PLXNB2: variants seen among roughly 807,000 people sequenced by gnomAD.
PLXNB2 encodes the protein plexin-B2.
In PLXNB2, 85 loss-of-function variants were observed where a neutral mutation model predicts 202.6. That is an observed-to-expected ratio of 0.42 (90% CI 0.35 to 0.50). PLXNB2 has a LOEUF of 0.50. Among genes scored for constraint, PLXNB2 ranks in the 20% least tolerant of loss-of-function variants. The pLI, the probability that PLXNB2 is intolerant of heterozygous loss-of-function variation, is 0.02. For missense variants in PLXNB2, 2,063 were observed against 2,586.2 expected (o/e 0.80, Z 4.39); for synonymous variants, 1,239 against 1,137.6 (o/e 1.09, Z -1.79).
intron 27 of PLXNB2, among the ~76,000 whole-genome samples, chr22:50,279,327 C>G (rs968520249): frequency 6.6e-6 from 1 of 152,232 alleles, no homozygotes; most frequent in Non-Finnish European, 1.5e-5. Context: ...TCCTGCCACA[C>G]CCACTGGTCA....
rs781458158 is a variant in PLXNB2 at position 50,282,895 on chromosome 22, G to A, written c.2817-14C>T. 4.4e-6 allele frequency: 7 copies of A among 1,601,338 alleles called. No homozygotes were observed. The highest frequency in any genetic ancestry group is 6.0e-6 in the Non-Finnish European group (7 of 1,172,650). On this transcript the variant is annotated splice_polypyrimidine_tract_variant and intron_variant, in intron 17 of 36. Transcript: ENST00000359337. ...CCAAACTTCGTCCTGGGGGAGGGAG[G>A]GTGCTGGTCTGCATCAACCCCTCCC...
At position 50,284,337 on chromosome 22, in the gene PLXNB2, C is replaced by G. The variant is rs2066259265; in HGVS notation, c.2182-124G>C. On this transcript the variant is annotated intron_variant, in intron 12 of 36. Coordinates refer to ENST00000359337, the MANE Select transcript of PLXNB2 (RefSeq NM_012401.4). This position sits in a 1 kb window ranked among gnomAD's most constrained non-coding sequence, Gnocchi z 8.0. ...CCCAGCCAAGGGCAGCAGGGGAGGCCTTCAGGTGTCGGAAGTTCGGGAACC... is the reference window on the plus strand; with the variant it reads ...CCCAGCCAAGGGCAGCAGGGGAGGCGTTCAGGTGTCGGAAGTTCGGGAACC... 2.1e-6 allele frequency: 2 copies of G among 950,260 alleles called. No homozygotes were observed. Among genetic ancestry groups the G allele is most frequent in the Non-Finnish European group, 3.3e-6 (2 of 600,438 alleles). The allele number at this position is 950,260 out of a possible 1,614,324, so 58.9% of individuals were successfully genotyped here.
chr22:50,293,853 G>A (rs1000959210), intron 2 of PLXNB2, among the ~76,000 whole-genome samples: 8 of 152,220 alleles, frequency 5.3e-5, no homozygotes, highest in East Asian at 1.9e-4. Flanking sequence ...TGTCCCTGCC[G>A]GGGGCTGGCA....
In PLXNB2 at chr22:50,280,885, G is replaced by A. The variant is rs1465147056; in HGVS notation, c.3852C>T (p.Val1284=). ...CGCCGTCCTTGGAGGGCAGGAAGAA[G>A]ACGCGGTCGGTGTAGGTCTTGTAGT... is the stretch of plus-strand genomic sequence containing the variant. The part of the protein sequence containing the change: ...VLDYKTYTDR[V]FFLPSKDGDK... Residue 1284 remains valine, a synonymous_variant, in exon 24 of 37, where the codon GTC becomes GTT. Transcript: ENST00000359337. The A allele has an allele frequency of 6.2e-7, 1 of 1,613,588 alleles. No individual in the cohort carries two copies. The highest frequency in any genetic ancestry group is 1.1e-5 in the South Asian group (1 of 91,090).
intron 2 of PLXNB2, among the ~76,000 whole-genome samples, chr22:50,290,803 A>G (rs910228901): frequency 2.0e-5 from 3 of 152,128 alleles, no homozygotes; most frequent in African/African-American, 7.2e-5. Flanking sequence ...GCCCTCCTCA[A>G]GTCCACCCTG....
chr22:50,293,637 G>A lies in PLXNB2; in HGVS notation c.-14+1082C>T, dbSNP rs527893105. ...TGGGAGGGGAATGCGGGGGCAGCGC[G>A]GGGGCGGGGCCCACGGTCCCCTCGG... On this transcript the variant is annotated intron_variant, in intron 2 of 36. Transcript: ENST00000359337. 3.3e-5 allele frequency among the ~76,000 whole-genome samples: 5 copies of A among 152,338 alleles called. No individual in the cohort carries two copies. The South Asian group carries it at 6.2e-4, about 19-fold the overall frequency.
intron 27 of PLXNB2, among the ~76,000 whole-genome samples, chr22:50,279,298 G>A (rs556564617): frequency 1.3e-5 from 2 of 152,338 alleles, no homozygotes; most frequent in East Asian, 3.9e-4. Flanking sequence ...GAATACACAC[G>A]TCTCACACAT....
In PLXNB2 at chr22:50,289,915, C is replaced by T. The variant is rs763024214; in HGVS notation, c.670G>A (p.Asp224Asn). 1 of 1,613,200 alleles carries T rather than the reference C, an allele frequency of 6.2e-7. No individual in the cohort carries two copies. The highest frequency in any genetic ancestry group is 2.2e-5 in the East Asian group (1 of 44,888). The change falls in exon 3 of 37, where the codon GAC becomes AAC. Residue 224 changes from aspartate to asparagine, a missense_variant. Asp to Asn is a conservative substitution (Grantham distance 23). Around this residue, in one of 2 missense-constraint regions of PLXNB2, gnomAD observed 1,303 missense variants for 1,476.8 expected, o/e 0.88. Coordinates refer to ENST00000359337, the MANE Select transcript of PLXNB2 (RefSeq NM_012401.4). The surrounding 1 kb of genome is among the most constrained non-coding windows in gnomAD (Gnocchi z 8.0). ...NTQQFVAAFE[D>N]GPYVFFVFNQ... ...AAGACAAAGAAGACGTAGGGGCCGTCCTCGAAGGCCGCCACGAACTGCTGT... is the reference window on the plus strand; with the variant it reads ...AAGACAAAGAAGACGTAGGGGCCGTTCTCGAAGGCCGCCACGAACTGCTGT...
At position 50,284,181 on chromosome 22, in the gene PLXNB2, C is replaced by G. The variant is rs769153618; in HGVS notation, c.2214G>C (p.Leu738=). Residue 738 remains leucine, a synonymous_variant, in exon 13 of 37, where the codon CTG becomes CTC. Transcript: ENST00000359337. This position sits in a 1 kb window ranked among gnomAD's most constrained non-coding sequence, Gnocchi z 8.0. ...LSHDANETLP[L]HLYVKSYGKN... ...TGCCGTAAGACTTGACGTAGAGGTG[C>G]AGGGGCAGCGTCTCGTTGGCATCGT... The G allele has an allele frequency of 6.2e-7, 1 of 1,610,464 alleles. No homozygotes were observed. Among genetic ancestry groups the G allele is most frequent in the Admixed American group, 1.7e-5 (1 of 59,890 alleles).
chr22:50,280,714 G>GGCCAACCCCC, intron 24 of PLXNB2, 30 bp downstream of exon 24: 2 of 1,528,940 alleles, frequency 1.3e-6, no homozygotes, highest in Non-Finnish European at 1.8e-6. Context: ...CCACCTGTGT[G>GGCCAACCCCC]CCCTCCCGCC....
Position 50,284,906 on chromosome 22 carries a change from A to C in PLXNB2, c.2089-241T>G. The C allele has an allele frequency of 7.9e-6, 5 of 632,980 alleles. No individual in the cohort carries two copies. The highest frequency in any genetic ancestry group is 3.3e-5 in the East Asian group (1 of 30,214). The allele number at this position is 632,980 out of a possible 1,614,324, so 39.2% of individuals were successfully genotyped here. On this transcript the variant is annotated intron_variant, in intron 11 of 36. Transcript: ENST00000359337. This position sits in a 1 kb window ranked among gnomAD's most constrained non-coding sequence, Gnocchi z 8.0. ...TTTCCCACGGCCACCTCCACCACTC[A>C]TCCACACCTGAGAACATCGCCCGGC...
At chr22:50,280,346 CT>C in intron 25 of PLXNB2, 142 bp downstream of exon 25, 1 of 779,076 alleles carries the variant, frequency 1.3e-6, no homozygotes, top group South Asian at 1.9e-5. Context: ...GACACCACCC[CT>C]AGACCGCCCC....
At chr22:50,277,563 G>A in intron 33 of PLXNB2, 28 bp downstream of exon 33, 1 of 1,536,350 alleles carries the variant, frequency 6.5e-7, no homozygotes, top group Middle Eastern at 1.8e-4. Context: ...AGGCCTCCCT[G>A]CCCCAGACCT....
In PLXNB2 at chr22:50,284,204, C is replaced by T. The variant is rs769168176; in HGVS notation, c.2191G>A (p.Asp731Asn). 3.7e-6 allele frequency: 6 copies of T among 1,612,744 alleles called. No homozygotes were observed. The highest frequency in any genetic ancestry group is 4.2e-6 in the Non-Finnish European group (5 of 1,179,688). The change falls in exon 13 of 37, where the codon GAT (aspartate) becomes AAT (asparagine). Residue 731 changes from aspartate (D) to asparagine (N), a missense_variant. By Grantham distance (23) the Asp-to-Asn change is conservative (BLOSUM62 1). Transcript: ENST00000359337. This position sits in a 1 kb window ranked among gnomAD's most constrained non-coding sequence, Gnocchi z 8.0. ...TGCAGGGGCAGCGTCTCGTTGGCAT[C>T]GTGGGACAGCTGGGGGACACGCAGG... ...FAFRTPKLSHDANETLPLHLY... is the reference protein window; with the variant it reads ...FAFRTPKLSHNANETLPLHLY...
chr22:50,288,212 A>G lies in PLXNB2; in HGVS notation c.1381-175T>C, dbSNP rs1259477992. 6.6e-6 allele frequency among the ~76,000 whole-genome samples: 1 copy of G among 152,124 alleles called. No homozygotes were observed. ...GGCTCTGGGTGGCCATGCCTGGCCC[A>G]GGATCCCGATGGGAGCCCAGGGAAG... On this transcript the variant is annotated intron_variant, in intron 5 of 36. Coordinates refer to ENST00000359337, the MANE Select transcript of PLXNB2 (RefSeq NM_012401.4). The surrounding 1 kb of genome is among the most constrained non-coding windows in gnomAD (Gnocchi z 5.0).
Position 50,290,156 on chromosome 22 carries a change from G to A in PLXNB2, c.429C>T (p.Phe143=), listed in dbSNP as rs747253918. ...CCACGCCCTCATCATTGCTGGCCAC[G>A]AAAGACTTCTCCCCGCTGCCGTCCT... ...FYEDGSGEKS[F]VASNDEGVAT... Residue 143 remains phenylalanine (F), a synonymous_variant, in exon 3 of 37, where the codon TTC becomes TTT. Transcript: ENST00000359337. 85 of 1,612,776 alleles carry A rather than the reference G, an allele frequency of 5.3e-5. No individual in the cohort carries two copies. The highest frequency in any genetic ancestry group is 1.2e-4 in the Admixed American group (7 of 59,972).
rs745931051 is a variant in PLXNB2 at position 50,286,272 on chromosome 22, G to A, written c.1778C>T (p.Thr593Ile). The A allele has an allele frequency of 1.2e-6, 2 of 1,612,740 alleles. No homozygotes were observed. The highest frequency in any genetic ancestry group is 2.2e-5 in the South Asian group (2 of 91,082). The change falls in exon 9 of 37, where the codon ACC becomes ATC. Residue 593 changes from threonine (T) to isoleucine (I), a missense_variant. This residue lies in a region of PLXNB2 where 1,303 missense variants were observed against 1,476.8 expected (regional missense o/e 0.88). Transcript: ENST00000359337. ...GCCTCGTCTAAGGAGGAGCTGGATG[G>A]TCACGGCCACGTGGTCTGCAGACAG... ...TPPGQDHVAV[T>I]IQLLLRRGNI...
At chr22:50,304,840 G>A (rs946713052) in intron 1 of PLXNB2, among the ~76,000 whole-genome samples, 2 of 152,164 alleles carry the variant, frequency 1.3e-5, no homozygotes, top group African/African-American at 2.4e-5. Flanking sequence ...CTCAGAGAAG[G>A]GAGGTCAAGG....
At chr22:50,298,435 C>A (rs1243154038) in intron 1 of PLXNB2, among the ~76,000 whole-genome samples, 8 of 152,158 alleles carry the variant, frequency 5.3e-5, no homozygotes, top group African/African-American at 1.9e-4. Flanking sequence ...CCGCCCCTCC[C>A]ACTGGGTAAA....
Sources: allele counts gnomAD v4.1 joint callset (sites outside exome capture counted in the v4.1 genomes callset), GRCh38; gene constraint gnomAD v4.1.1; regional missense constraint gnomAD v4.1.1; non-coding constraint Gnocchi (gnomAD v3.1); transcripts MANE v1.5; gene names NCBI Gene and HGNC (gene_info 2026-07-23, HGNC 2026-07-21).